RGS3: variants seen among roughly 807,000 people sequenced by gnomAD.
The protein encoded by RGS3 is regulator of G protein signaling 3.
A neutral mutation model predicts 132.6 loss-of-function variants in RGS3; 80 were observed. The ratio of observed to expected loss-of-function variants is 0.60; its 90% CI spans 0.50 to 0.73. The LOEUF (loss-of-function observed/expected upper bound fraction) is 0.73. Among genes scored for constraint, RGS3 ranks in the 30% least tolerant of loss-of-function variants. The pLI is 0.00. For synonymous variants in RGS3, 598 were observed against 620.6 expected (o/e 0.96, Z 0.54); for missense variants, 1,382 against 1,530.8 (o/e 0.90, Z 1.62).
intron 1 of RGS3, among the ~76,000 whole-genome samples, chr9:113,461,540 C>T (rs1829470320): frequency 6.6e-6 from 1 of 152,106 alleles, no homozygotes; most frequent in African/African-American, 2.4e-5. Flanking sequence ...AAGGTGATAC[C>T]ATCAGAGGGG....
intron 3 of RGS3, among the ~76,000 whole-genome samples, chr9:113,473,309 G>A (rs1250838052): frequency 6.6e-6 from 1 of 152,204 alleles, no homozygotes; most frequent in African/African-American, 2.4e-5. Context: ...GGCTAACAGT[G>A]GGGGCCCTGG....
intron 19 of RGS3, chr9:113,580,562 A>C (rs1273444390): frequency 6.5e-6 from 1 of 153,240 alleles, no homozygotes; most frequent in African/African-American, 2.4e-5. Context: ...AGAGTTGCAC[A>C]GCTAAAAAGT....
At position 113,565,357 on chromosome 9, in the gene RGS3, CAG is replaced by C; in HGVS notation, c.2038-18092_2038-18091del. The stretch of plus-strand genomic sequence containing the variant: ...TCCAGAGTGGCGGTGGCCGGCTAGA[CAG>C]GGTGTGTGTTTGGGAAAGGCGCTGG... On this transcript the variant is annotated intron_variant, in intron 19 of 24. Coordinates refer to ENST00000350696, the Ensembl canonical transcript of RGS3. This position sits in a 1 kb window ranked among gnomAD's most constrained non-coding sequence, Gnocchi z 5.7. 1 of 1,289,698 alleles carries C rather than the reference CAG, an allele frequency of 7.8e-7. No homozygotes were observed. The highest frequency in any genetic ancestry group is 1.2e-5 in the South Asian group (1 of 81,388). 79.9% of individuals were successfully genotyped at this position (1,289,698 alleles called of 1,614,324 possible). A position where few individuals can be genotyped will look rare whatever the true frequency, so the allele number is the denominator to read the frequency against.
chr9:113,582,239 G>C, intron 19 of RGS3: 2 of 983,116 alleles, frequency 2.0e-6, no homozygotes, highest in Non-Finnish European at 2.4e-6. Flanking sequence ...CTGTACAATA[G>C]TGGGTAAGTC....
chr9:113,522,995 C>T (rs567312142), exon 17 of RGS3: 52 of 1,614,090 alleles, frequency 3.2e-5, no homozygotes, highest in South Asian at 8.8e-5. Context: ...GCCGCTGCGA[C>T]GTCCTGAGGA....
At chr9:113,595,226 G>C (rs915377240) in intron 23 of RGS3, 2 of 587,978 alleles carry the variant, frequency 3.4e-6, no homozygotes, top group African/African-American at 3.7e-5. Flanking sequence ...TGGGACCTGT[G>C]TGCTCAGATC....
In RGS3 at chr9:113,565,302, G is replaced by C; in HGVS notation, c.2038-18148G>C. The C allele has an allele frequency of 7.8e-7, 1 of 1,289,726 alleles. No homozygotes were observed. The highest frequency in any genetic ancestry group is 1.0e-6 in the Non-Finnish European group (1 of 988,812). 79.9% of individuals were successfully genotyped at this position (1,289,726 alleles called of 1,614,324 possible). On this transcript the variant is annotated intron_variant, in intron 19 of 24. Transcript: ENST00000350696. This position sits in a 1 kb window ranked among gnomAD's most constrained non-coding sequence, Gnocchi z 5.7. ...GCTTTGAGAAACCACAGAGTTTTCT[G>C]TTTAATGGAAGAAAGAAATCCAGCC...
intron 3 of RGS3, chr9:113,462,291 T>C (rs1564446591): frequency 2.2e-5 from 1 of 44,884 alleles, no homozygotes; most frequent in African/African-American, 5.5e-4. Context: ...TAACCGGGGT[T>C]GGAGGGGGAG....
intron 19 of RGS3, among the ~76,000 whole-genome samples, chr9:113,553,462 ATAT>A (rs1564562571): frequency 1.8e-4 from 13 of 72,670 alleles, no homozygotes; most frequent in African/African-American, 5.6e-4. Flanking sequence ...AAAAAAAAAT[ATAT>A]ATATATATAT....
intron 15 of RGS3, 37 bp from the exon 14 acceptor site, chr9:113,517,504 C>T (rs750955833): frequency 9.9e-5 from 156 of 1,583,270 alleles, no homozygotes; most frequent in Non-Finnish European, 1.3e-4. Flanking sequence ...CACCCAGCCT[C>T]TTTTTGAACT....
chr9:113,532,819 G>A (rs1000356009), intron 18 of RGS3, among the ~76,000 whole-genome samples: 1 of 152,014 alleles, frequency 6.6e-6, no homozygotes, highest in Admixed American at 6.5e-5. Flanking sequence ...TACTTTTGTA[G>A]GGAGGGGGAC....
chr9:113,583,988 T>A, exon 20 of RGS3: 1 of 1,613,884 alleles, frequency 6.2e-7, no homozygotes, highest in Non-Finnish European at 8.5e-7. Flanking sequence ...ATCCCTGAGG[T>A]CCGGCTGGAT....
intron 20 of RGS3, chr9:113,589,848 C>T (rs1213075414): frequency 6.6e-6 from 1 of 152,178 alleles, no homozygotes; most frequent in East Asian, 1.9e-4. Flanking sequence ...TGTCACTATG[C>T]CTAAGCCATA....
intron 19 of RGS3, among the ~76,000 whole-genome samples, chr9:113,572,841 C>CTCA (rs1364666056): frequency 6.6e-5 from 10 of 152,268 alleles, no homozygotes; most frequent in African/African-American, 2.4e-4. Flanking sequence ...TGAGCACAGA[C>CTCA]TCATCTGCCT....
At chr9:113,595,926 A>G (rs941711617) in intron 24 of RGS3, among the ~76,000 whole-genome samples, 161 bp downstream of exon 22, 1 of 152,224 alleles carries the variant, frequency 6.6e-6, no homozygotes, top group African/African-American at 2.4e-5. Context: ...CAGGGGAAGA[A>G]CAGAATCCCA....
chr9:113,451,501 CT>C (rs1250810613), intron 1 of RGS3, among the ~76,000 whole-genome samples: 1 of 152,190 alleles, frequency 6.6e-6, no homozygotes, highest in East Asian at 1.9e-4. Flanking sequence ...CTGATCTCAA[CT>C]GTGGTTGTTG....
At chr9:113,488,742 C>T (rs1004871932) in intron 7 of RGS3, among the ~76,000 whole-genome samples, 2 of 152,238 alleles carry the variant, frequency 1.3e-5, no homozygotes, top group Non-Finnish European at 2.9e-5. Context: ...CAGTCCCAGC[C>T]CGAAGCTCAG....
upstream of RGS3, among the ~76,000 whole-genome samples, chr9:113,458,751 C>T (rs1251130777): frequency 1.3e-5 from 2 of 151,994 alleles, no homozygotes; most frequent in Non-Finnish European, 2.9e-5. Flanking sequence ...TGTATATTTT[C>T]TTTCTTTTTT....
intron 19 of RGS3, among the ~76,000 whole-genome samples, chr9:113,539,855 G>A (rs768685508): frequency 2.0e-5 from 3 of 152,218 alleles, no homozygotes; most frequent in Non-Finnish European, 4.4e-5. Context: ...GGTAGAGGGA[G>A]TCAGGGGAAG....
Sources: gnomAD v4.1 joint callset for allele counts (sites outside exome capture counted in the v4.1 genomes callset) on GRCh38, gnomAD v4.1.1 for gene constraint, Gnocchi (gnomAD v3.1) non-coding constraint, MANE v1.5 for transcripts, NCBI Gene and HGNC (gene_info 2026-07-23, HGNC 2026-07-21) for gene names.